AIM2: variants seen among roughly 807,000 people sequenced by gnomAD.
AIM2 encodes the protein absent in melanoma 2, also known as interferon-inducible protein AIM2.
In AIM2, 30 loss-of-function variants were observed where a neutral mutation model predicts 27.7. The ratio of observed to expected loss-of-function variants is 1.08; its 90% confidence interval spans 0.81 to 1.47. The LOEUF (loss-of-function observed/expected upper bound fraction) is 1.47, where lower values mean the gene tolerates loss of function less well. Among genes scored for constraint, AIM2 ranks in the 40% most tolerant of loss-of-function variants. The pLI is 0.00. For synonymous variants in AIM2, 141 were observed against 145.3 expected (o/e 0.97, Z 0.21); for missense variants, 358 against 411.3 (o/e 0.87, Z 1.12).
chr1:159,094,137 G>A (rs933662148), intron 1 of AIM2, among the ~76,000 whole-genome samples: 78 of 152,118 alleles, frequency 5.1e-4, no homozygotes, highest in Admixed American at 1.4e-3. Flanking sequence ...AAATTTAGTC[G>A]TAACTTCAGG....
intron 1 of AIM2, among the ~76,000 whole-genome samples, chr1:159,120,394 G>A (rs142723453): frequency 1.4e-4 from 21 of 152,236 alleles, no homozygotes; most frequent in Admixed American, 1.1e-3. Flanking sequence ...AAGACAAGAC[G>A]TGCAATTTTT....
intron 1 of AIM2, among the ~76,000 whole-genome samples, chr1:159,093,726 A>AT (rs1387618051): frequency 6.7e-6 from 1 of 149,112 alleles, no homozygotes; most frequent in Non-Finnish European, 1.5e-5. Flanking sequence ...ATGTGTATAT[A>AT]TATATACAGA....
chr1:159,069,700 G>A (rs1656268445), intron 2 of AIM2, among the ~76,000 whole-genome samples: 2 of 151,918 alleles, frequency 1.3e-5, no homozygotes, highest in African/African-American at 2.4e-5. Flanking sequence ...ATGCCACCAC[G>A]CCTGACTAAT....
At chr1:159,123,555 T>C (rs1043543676) in intron 1 of AIM2, 7 of 152,264 alleles carry the variant, frequency 4.6e-5, no homozygotes, top group Non-Finnish European at 1.0e-4. Context: ...TTTCTTCATC[T>C]GTAAATGTTT....
intron 1 of AIM2, among the ~76,000 whole-genome samples, chr1:159,083,966 C>G (rs1008717448): frequency 4.6e-5 from 7 of 152,322 alleles, no homozygotes; most frequent in Admixed American, 2.6e-4. Context: ...TTGCCTCTGG[C>G]ACACAGAGCT....
intron 1 of AIM2, among the ~76,000 whole-genome samples, chr1:159,116,412 A>C (rs1237055613): frequency 6.6e-6 from 1 of 152,252 alleles, no homozygotes; most frequent in Non-Finnish European, 1.5e-5. Context: ...TATTCACAAT[A>C]GCAAAGACTT....
chr1:159,102,516 G>A (rs1191569656), intron 1 of AIM2, among the ~76,000 whole-genome samples: 1 of 152,326 alleles, frequency 6.6e-6, no homozygotes, highest in East Asian at 1.9e-4. Context: ...TGCCCCATGT[G>A]CCTGGAAAAG....
chr1:159,069,866 A>G (rs2101978356), intron 2 of AIM2, among the ~76,000 whole-genome samples: 1 of 152,270 alleles, frequency 6.6e-6, no homozygotes, highest in African/African-American at 2.4e-5. Flanking sequence ...TATGTTCTAC[A>G]AGGCCTTGCA....
At chr1:159,126,336 A>G (rs1647684539) in intron 1 of AIM2, among the ~76,000 whole-genome samples, 1 of 152,118 alleles carries the variant, frequency 6.6e-6, no homozygotes, top group Non-Finnish European at 1.5e-5. Flanking sequence ...ATTATCAGTT[A>G]TGAAAATGTA....
At chr1:159,092,552 T>A (rs1035790600) in intron 1 of AIM2, among the ~76,000 whole-genome samples, 1 of 151,962 alleles carries the variant, frequency 6.6e-6, no homozygotes, top group African/African-American at 2.4e-5. Context: ...ATAGGCAACA[T>A]CATGTCAGGA....
intron 1 of AIM2, among the ~76,000 whole-genome samples, chr1:159,114,239 G>A (rs1292020643): frequency 2.0e-5 from 3 of 152,182 alleles, no homozygotes; most frequent in South Asian, 2.1e-4. Flanking sequence ...TGAGGGACAA[G>A]CCAACAGAAT....
chr1:159,086,655 C>T (rs1656919347), intron 1 of AIM2, among the ~76,000 whole-genome samples: 1 of 152,190 alleles, frequency 6.6e-6, no homozygotes, highest in Non-Finnish European at 1.5e-5. Context: ...CTTTCCATCA[C>T]AGCAATAAAG....
intron 1 of AIM2, among the ~76,000 whole-genome samples, chr1:159,132,581 T>C (rs999128641): frequency 9.2e-5 from 14 of 152,262 alleles, no homozygotes; most frequent in Middle Eastern, 3.4e-3. Context: ...ATTCTGACCA[T>C]ACATTCAGTA....
At chr1:159,061,437 G>C (rs1348262270), downstream of AIM2, among the ~76,000 whole-genome samples, 1 of 152,012 alleles carries the variant, frequency 6.6e-6, no homozygotes, top group Non-Finnish European at 1.5e-5. Flanking sequence ...CTATCACCCA[G>C]GCTGGAGTGC....
At chr1:159,073,189 C>G (rs1221967106) in intron 2 of AIM2, 49 bp downstream of exon 2, 1 of 1,607,322 alleles carries the variant, frequency 6.2e-7, no homozygotes, top group African/African-American at 1.3e-5. Context: ...AGGAAAGGCC[C>G]AGGCTTGGCA....
In AIM2 at chr1:159,107,306, A is replaced by ATGTG. The variant is rs72077036; in HGVS notation, c.-16+33121_-16+33124dup. On this transcript the variant is annotated intron_variant, in intron 1 of 2. Coordinates refer to the AIM2 transcript ENST00000368129. ...TAAATCAACAGATGTACATGTGTGT[A>ATGTG]TGTGTGTGTGTGTGTGTGTGTGTGT... 2.5e-3 allele frequency among the ~76,000 whole-genome samples: 366 copies of ATGTG among 147,956 alleles called. 2 individuals carry two copies. Among genetic ancestry groups the ATGTG allele is most frequent in the African/African-American group, 8.4e-3 (340 of 40,432 alleles).
chr1:159,091,698 C>T (rs1378663559), intron 1 of AIM2, among the ~76,000 whole-genome samples: 3 of 152,168 alleles, frequency 2.0e-5, no homozygotes, highest in Non-Finnish European at 4.4e-5. Context: ...TGGAGAGTAA[C>T]TTAGGGGGTG....
chr1:159,132,764 C>T (rs1468031106), intron 1 of AIM2, among the ~76,000 whole-genome samples: 2 of 152,180 alleles, frequency 1.3e-5, no homozygotes, highest in African/African-American at 4.8e-5. Flanking sequence ...TGAATTGCAT[C>T]TGTTTATAAG....
At chr1:159,081,963 T>G (rs1656788319) in intron 1 of AIM2, among the ~76,000 whole-genome samples, 1 of 152,252 alleles carries the variant, frequency 6.6e-6, no homozygotes, top group Non-Finnish European at 1.5e-5. Flanking sequence ...ATGCTTACTT[T>G]GCAGTTAATT....
Sources: gnomAD v4.1 joint callset for allele counts (sites outside exome capture counted in the v4.1 genomes callset) on GRCh38, gnomAD v4.1.1 for gene constraint, MANE v1.5 for transcripts, NCBI Gene and HGNC (gene_info 2026-07-23, HGNC 2026-07-21) for gene names.